MRPS9: variants seen among roughly 807,000 people sequenced by gnomAD.
The protein encoded by MRPS9 is mitochondrial ribosomal protein S9, also known as small ribosomal subunit protein uS9m.
In MRPS9, 45 loss-of-function variants were observed where a neutral mutation model predicts 59.9. That is an observed-to-expected ratio of 0.75 (90% CI 0.59 to 0.96). The LOEUF (loss-of-function observed/expected upper bound fraction) is 0.96. Among genes scored for constraint, MRPS9 ranks in the 40% least tolerant of loss-of-function variants. MRPS9 has a pLI of 0.00. For synonymous variants in MRPS9, 171 were observed against 166.8 expected (o/e 1.03, Z -0.19); for missense variants, 473 against 481.1 (o/e 0.98, Z 0.16).
chr2:105,044,556 T>C (rs1679561308), intron 1 of MRPS9, among the ~76,000 whole-genome samples: 2 of 152,162 alleles, frequency 1.3e-5, no homozygotes, highest in Admixed American at 6.5e-5. Context: ...TTATGAAAAA[T>C]AGCAAATTAG....
rs1273106413 is a variant in MRPS9, at chr2:105,099,779, A to G, written c.*18A>G. ...AACGCTAAGGGTTTGCTCCCAGGAA[A>G]GGAGAGGAAGAGCTATATATATGTG... On this transcript the variant is annotated 3_prime_UTR_variant, in exon 11 of 11. Coordinates refer to ENST00000258455, the MANE Select transcript of MRPS9 (RefSeq NM_182640.3). The G allele has an allele frequency of 2.5e-6, 4 of 1,612,802 alleles. No homozygotes were observed. The highest frequency in any genetic ancestry group is 2.2e-5 in the South Asian group (2 of 91,022).
At chr2:105,061,134 A>G (rs977626061) in intron 2 of MRPS9, among the ~76,000 whole-genome samples, 11 of 151,396 alleles carry the variant, frequency 7.3e-5, no homozygotes, top group Non-Finnish European at 1.2e-4. Context: ...AAAAAAAAAA[A>G]AAGTTAAATA....
At chr2:105,082,973 T>C (rs1248590162) in intron 5 of MRPS9, among the ~76,000 whole-genome samples, 1 of 152,214 alleles carries the variant, frequency 6.6e-6, no homozygotes, top group African/African-American at 2.4e-5. Flanking sequence ...AGAAACTTCT[T>C]GAGTTTCTCA....
At chr2:105,083,728 A>G (rs759850779) in intron 5 of MRPS9, among the ~76,000 whole-genome samples, 1 of 152,140 alleles carries the variant, frequency 6.6e-6, no homozygotes, top group African/African-American at 2.4e-5. Context: ...TTAGTTTAGG[A>G]ATGTTACATA....
At chr2:105,043,620 A>T (rs1390489457) in intron 1 of MRPS9, among the ~76,000 whole-genome samples, 5 of 151,756 alleles carry the variant, frequency 3.3e-5, no homozygotes, top group South Asian at 4.2e-4. Flanking sequence ...TTTTTTTAGA[A>T]TTTTTATTTA....
chr2:105,086,125 C>G (rs1330607380), intron 5 of MRPS9, among the ~76,000 whole-genome samples: 2 of 152,120 alleles, frequency 1.3e-5, no homozygotes, highest in Non-Finnish European at 2.9e-5. Context: ...CCATACCTCA[C>G]CCCCGCTATC....
chr2:105,099,605 C>A, intron 10 of MRPS9, 65 bp from the exon 11 acceptor site: 3 of 1,472,870 alleles, frequency 2.0e-6, no homozygotes, highest in Non-Finnish European at 2.8e-6. Flanking sequence ...AATTTATGAA[C>A]CTGCTTTTCT....
intron 9 of MRPS9, among the ~76,000 whole-genome samples, chr2:105,096,399 G>A (rs1168581683): frequency 6.6e-6 from 1 of 152,128 alleles, no homozygotes; most frequent in Admixed American, 6.6e-5. Context: ...AGGTAATGGT[G>A]AACATCTTAC....
At chr2:105,049,904 G>A (rs950150478) in intron 2 of MRPS9, among the ~76,000 whole-genome samples, 4 of 152,086 alleles carry the variant, frequency 2.6e-5, no homozygotes, top group African/African-American at 9.7e-5. Flanking sequence ...TTTGAATCTT[G>A]TCCTTATTTT....
intron 1 of MRPS9, among the ~76,000 whole-genome samples, chr2:105,043,724 T>G (rs1430542871): frequency 2.6e-5 from 4 of 152,054 alleles, no homozygotes; most frequent in African/African-American, 7.2e-5. Context: ...AACCTCCGCC[T>G]CCTGGGTTCA....
chr2:105,066,480 A>G (rs1008816509), intron 2 of MRPS9, among the ~76,000 whole-genome samples: 5 of 152,180 alleles, frequency 3.3e-5, no homozygotes, highest in African/African-American at 9.7e-5. Flanking sequence ...GTTTCCACCA[A>G]TTAGCTTCCT....
rs558440917 is a variant in MRPS9 at position 105,074,840 on chromosome 2, G to C, written c.409+3351G>C. Reference sequence around the variant, plus strand: ...ACCGGTGGTCCCCAGCCTTTTTGGCGCCAGGGACCAATTTTGTGAAGGACG... The same window carrying C: ...ACCGGTGGTCCCCAGCCTTTTTGGCCCCAGGGACCAATTTTGTGAAGGACG... On this transcript the variant is annotated intron_variant, in intron 4 of 10. Coordinates refer to ENST00000258455, the MANE Select transcript of MRPS9 (RefSeq NM_182640.3). 2.8e-4 allele frequency among the ~76,000 whole-genome samples: 42 copies of C among 152,232 alleles called. No homozygotes were observed. The East Asian group carries it at 7.9e-3, about 29-fold the overall frequency.
intron 5 of MRPS9, among the ~76,000 whole-genome samples, chr2:105,088,495 TATG>T (rs1383124206): frequency 2.6e-5 from 4 of 152,014 alleles, no homozygotes; most frequent in African/African-American, 9.7e-5. Flanking sequence ...ATAAAAACTA[TATG>T]ATAAGGACTT....
At position 105,041,066 on chromosome 2, in the gene MRPS9, T is replaced by C. The variant is rs74566786; in HGVS notation, c.135+2839T>C. On this transcript the variant is annotated intron_variant, in intron 1 of 10. Transcript: ENST00000258455. ...TGGTGCAGAGACAGGTCTGGAAAGT[T>C]TGGCAGGAATCAGTATGATCTGTTT... is the stretch of plus-strand genomic sequence containing the variant. Among the ~76,000 whole-genome samples the C allele has an allele frequency of 3.1e-3, 467 of 152,250 alleles. 2 individuals are homozygous for C. Among genetic ancestry groups the C allele is most frequent in the African/African-American group, 0.011 (442 of 41,546 alleles).
intron 2 of MRPS9, among the ~76,000 whole-genome samples, chr2:105,052,592 T>A (rs975348500): frequency 2.0e-5 from 3 of 152,194 alleles, no homozygotes; most frequent in African/African-American, 7.2e-5. Flanking sequence ...TTTCTTACAA[T>A]GTTTGTCTGG....
intron 4 of MRPS9, among the ~76,000 whole-genome samples, chr2:105,076,999 A>G (rs955504357): frequency 5.3e-5 from 8 of 152,228 alleles, no homozygotes; most frequent in Non-Finnish European, 8.8e-5. Context: ...CTGTAATCCC[A>G]GCACTTTGGG....
chr2:105,072,310 G>A (rs1680129993), intron 4 of MRPS9, among the ~76,000 whole-genome samples: 1 of 148,030 alleles, frequency 6.8e-6, no homozygotes, highest in African/African-American at 2.5e-5. Context: ...TGATTTTCTT[G>A]CAGTGGAGCA....
At chr2:105,086,289 G>A (rs1385255665) in intron 5 of MRPS9, among the ~76,000 whole-genome samples, 2 of 152,086 alleles carry the variant, frequency 1.3e-5, no homozygotes, top group Admixed American at 6.6e-5. Context: ...CAAATGAATC[G>A]AATTCATCGT....
chr2:105,096,381 C>T (rs1680659697), intron 9 of MRPS9, among the ~76,000 whole-genome samples: 1 of 152,146 alleles, frequency 6.6e-6, no homozygotes, highest in Non-Finnish European at 1.5e-5. Context: ...AATCAAAGTG[C>T]TTGACAGAGG....
Sources: allele counts gnomAD v4.1 joint callset (sites outside exome capture counted in the v4.1 genomes callset), GRCh38; gene constraint gnomAD v4.1.1; transcripts MANE v1.5; gene names NCBI Gene and HGNC (gene_info 2026-07-23, HGNC 2026-07-21).